SGK3: variants seen among roughly 807,000 people sequenced by gnomAD.
SGK3 encodes the protein serum/glucocorticoid regulated kinase family member 3.
A neutral mutation model predicts 68.5 loss-of-function variants in SGK3; 47 were observed. That is an observed-to-expected ratio of 0.69 (90% CI 0.54 to 0.87). SGK3 has a LOEUF of 0.87. Ranked by LOEUF, SGK3 falls within the 40% of genes least tolerant of loss-of-function variation. The pLI is 0.00. For synonymous variants in SGK3, 181 were observed against 189.1 expected (o/e 0.96, Z 0.35); for missense variants, 479 against 575.5 (o/e 0.83, Z 1.72).
chr8:66,838,213 G>T (rs1340407893), intron 10 of SGK3, among the ~76,000 whole-genome samples: 1 of 152,046 alleles, frequency 6.6e-6, no homozygotes, highest in Non-Finnish European at 1.5e-5. Flanking sequence ...TTACAGGCAC[G>T]TGCCATGACG....
chr8:66,734,219 TTTTTCTTTC>T (rs1805247552), intron 1 of SGK3, among the ~76,000 whole-genome samples: 2 of 146,812 alleles, frequency 1.4e-5, no homozygotes, highest in East Asian at 3.9e-4. Flanking sequence ...CTTTTTTTTC[TTTTTCTTTC>T]TTTTTTTTTT....
At chr8:66,734,464 CTT>C (rs1805259952) in intron 1 of SGK3, among the ~76,000 whole-genome samples, 1 of 152,062 alleles carries the variant, frequency 6.6e-6, no homozygotes, top group Non-Finnish European at 1.5e-5. Flanking sequence ...CTTTCCAACT[CTT>C]TACACATTCA....
At position 66,854,778 on chromosome 8, in the gene SGK3, G is replaced by A. The variant is rs980551946; in HGVS notation, c.1320+3858G>A. Reference sequence around the variant, plus strand: ...GAAAAAAGGAATTAACTTCTAGTGCGTGCCCACTGTGTACCCAGCATTGTG... The same window carrying A: ...GAAAAAAGGAATTAACTTCTAGTGCATGCCCACTGTGTACCCAGCATTGTG... On this transcript the variant is annotated intron_variant, in intron 16 of 16. Coordinates refer to ENST00000521198, the MANE Select transcript of SGK3 (RefSeq NM_001033578.3). Among the ~76,000 whole-genome samples, 8 of 152,076 alleles carry A rather than the reference G, an allele frequency of 5.3e-5. No individual in the cohort carries two copies. In the East Asian group the frequency reaches 9.6e-4, roughly 18 times the overall value.
rs1472043512 is a variant in SGK3 at position 66,722,879 on chromosome 8, G to A, written c.-122+10046G>A. Among the ~76,000 whole-genome samples the A allele has an allele frequency of 7.2e-5, 11 of 151,750 alleles. No homozygotes were observed. The East Asian group carries it at 2.1e-3, about 30-fold the overall frequency. On this transcript the variant is annotated intron_variant, in intron 1 of 16. Transcript: ENST00000521198. ...GAAAACAGGAGCAAGAGCAAGAGTGGTGAGGTGAAGGTGCCACACACTTTT... is the reference window on the plus strand; with the variant it reads ...GAAAACAGGAGCAAGAGCAAGAGTGATGAGGTGAAGGTGCCACACACTTTT...
intron 5 of SGK3, among the ~76,000 whole-genome samples, chr8:66,816,682 G>A (rs945124192): frequency 3.3e-5 from 5 of 151,920 alleles, no homozygotes. Flanking sequence ...GCTGTTGACA[G>A]AATTTTAATT....
rs1017693923 is a variant in SGK3 at position 66,860,857 on chromosome 8, G to A, written c.*1276G>A. 3 of 152,176 alleles carry A rather than the reference G, an allele frequency of 2.0e-5. No individual in the cohort carries two copies. Among genetic ancestry groups the A allele is most frequent in the Admixed American group, 6.5e-5 (1 of 15,282 alleles). 9.4% of individuals were successfully genotyped at this position (152,176 alleles called of 1,614,324 possible). On this transcript the variant is annotated 3_prime_UTR_variant, in exon 17 of 17. Coordinates refer to ENST00000521198, the MANE Select transcript of SGK3 (RefSeq NM_001033578.3). Reference sequence around the variant, plus strand: ...AAAGTAAAATAATAGGCCAGGCATGGTGGCTCATGCCTATAAGCACCCTGG... The same window carrying A: ...AAAGTAAAATAATAGGCCAGGCATGATGGCTCATGCCTATAAGCACCCTGG...
rs547939132 is a variant in SGK3, at chr8:66,755,149, C to T, written c.-121-38467C>T. ...TGCAGCACTCCTATAATCCCAGCTG[C>T]TGGGCAGGCTGAGGCAGGAGAATCA... On this transcript the variant is annotated intron_variant, in intron 1 of 16. Transcript: ENST00000521198. Among the ~76,000 whole-genome samples the T allele has an allele frequency of 1.3e-4, 20 of 151,448 alleles. No homozygotes were observed. In the East Asian group the frequency reaches 2.9e-3, roughly 22 times the overall value.
intron 1 of SGK3, among the ~76,000 whole-genome samples, chr8:66,721,985 A>G (rs904005867): frequency 1.3e-5 from 2 of 152,192 alleles, no homozygotes; most frequent in African/African-American, 2.4e-5. Context: ...TTGTATCAGT[A>G]GAGATATACA....
At chr8:66,857,034 A>G (rs1462995500) in intron 16 of SGK3, among the ~76,000 whole-genome samples, 3 of 152,128 alleles carry the variant, frequency 2.0e-5, no homozygotes, top group East Asian at 3.8e-4. Flanking sequence ...TGGAGGTTTG[A>G]GTGAGCCAAG....
At chr8:66,740,433 C>T (rs1401692697) in intron 1 of SGK3, among the ~76,000 whole-genome samples, 1 of 152,128 alleles carries the variant, frequency 6.6e-6, no homozygotes, top group Non-Finnish European at 1.5e-5. Context: ...CAATTTTTAT[C>T]CATTTCATTA....
At chr8:66,752,631 G>A (rs192416273) in intron 1 of SGK3, among the ~76,000 whole-genome samples, 22 of 152,174 alleles carry the variant, frequency 1.4e-4, no homozygotes, top group African/African-American at 4.6e-4. Flanking sequence ...AGGCAGAAAA[G>A]TGTGCTGCAT....
At chr8:66,850,972 T>G (rs973361778) in intron 16 of SGK3, 52 bp downstream of exon 16, 23 of 1,521,442 alleles carry the variant, frequency 1.5e-5, no homozygotes, top group Admixed American at 2.2e-5. Flanking sequence ...TTAATAGCAG[T>G]TCATTGTAAG....
At chr8:66,807,099 T>C (rs1808200318) in intron 4 of SGK3, among the ~76,000 whole-genome samples, 1 of 152,004 alleles carries the variant, frequency 6.6e-6, no homozygotes, top group South Asian at 2.1e-4. Flanking sequence ...GGGACTAGGG[T>C]AGAAATAGGG....
intron 15 of SGK3, among the ~76,000 whole-genome samples, chr8:66,849,301 G>A (rs1585811874): frequency 1.3e-5 from 2 of 152,212 alleles, no homozygotes; most frequent in Admixed American, 1.3e-4. Flanking sequence ...TTGTCCCCCT[G>A]TGCTCCCTTT....
intron 4 of SGK3, among the ~76,000 whole-genome samples, chr8:66,810,671 A>C (rs1808349424): frequency 1.3e-5 from 2 of 152,246 alleles, no homozygotes; most frequent in South Asian, 4.1e-4. Context: ...ATTGCACTCC[A>C]GCCTAGGCAA....
chr8:66,771,035 C>A (rs375976023), intron 1 of SGK3, among the ~76,000 whole-genome samples: 1 of 152,138 alleles, frequency 6.6e-6, no homozygotes, highest in Non-Finnish European at 1.5e-5. Flanking sequence ...TATATTTTTT[C>A]TGTCTCTTTT....
chr8:66,768,114 G>A, intron 1 of SGK3: 1 of 432,106 alleles, frequency 2.3e-6, no homozygotes, highest in Non-Finnish European at 4.3e-6. Flanking sequence ...TACACTTATA[G>A]GATATATCTT....
intron 1 of SGK3, among the ~76,000 whole-genome samples, chr8:66,715,280 CAG>C (rs772337033): frequency 2.0e-5 from 3 of 150,230 alleles, no homozygotes; most frequent in Admixed American, 6.6e-5. Flanking sequence ...TTTTTTGAGA[CAG>C]AGTCTTGCTC....
intron 1 of SGK3, among the ~76,000 whole-genome samples, chr8:66,790,256 G>A (rs1807387370): frequency 6.6e-6 from 1 of 152,102 alleles, no homozygotes; most frequent in Admixed American, 6.6e-5. Context: ...CTTCTTTCTG[G>A]GGTCTTTTGG....
Sources: allele counts gnomAD v4.1 joint callset (sites outside exome capture counted in the v4.1 genomes callset), GRCh38; gene constraint gnomAD v4.1.1; transcripts MANE v1.5; gene names NCBI Gene and HGNC (gene_info 2026-07-23, HGNC 2026-07-21).